Variants in SVEP1 observed in about 807,000 individuals in gnomAD.
SVEP1 encodes sushi, von Willebrand factor type A, EGF and pentraxin domain containing 1.
In SVEP1, 164 loss-of-function variants were observed where a neutral mutation model predicts 367.3. That is an observed-to-expected ratio of 0.45 (90% CI 0.39 to 0.51). The LOEUF is 0.51. SVEP1 is among the 20% of genes least tolerant of loss of function. The pLI, the probability that SVEP1 is intolerant of heterozygous loss-of-function variation, is 0.00. For missense variants in SVEP1, 4,117 were observed against 4,425.3 expected, an observed-to-expected ratio of 0.93 and a Z score of 1.98; for synonymous variants, 1,666 against 1,611.6, an observed-to-expected ratio of 1.03 and a Z score of -0.81.
rs58013124 is a variant in SVEP1 at position 110,366,318 on chromosome 9, A to G, written c.*221T>C. The G allele has an allele frequency of 7.3e-3, 2,954 of 402,852 alleles. 93 individuals are homozygous for G. The highest frequency in any genetic ancestry group is 0.054 in the African/African-American group (2,655 of 48,790). 25.0% of individuals were successfully genotyped at this position (402,852 alleles called of 1,614,324 possible). A position where few individuals can be genotyped will look rare whatever the true frequency, so the allele number is the denominator to read the frequency against. On this transcript the variant is annotated 3_prime_UTR_variant, in exon 48 of 48. Coordinates refer to ENST00000374469, the MANE Select transcript of SVEP1 (RefSeq NM_153366.4). ...AGCATCTATTTAATATAATTTTTAT[A>G]TAGAAAATACAGGCATATTTAAAAA... is the stretch of plus-strand genomic sequence containing the variant.
intron 35 of SVEP1, among the ~76,000 whole-genome samples, chr9:110,428,559 T>C (rs928564744): frequency 1.3e-5 from 2 of 152,160 alleles, no homozygotes; most frequent in African/African-American, 4.8e-5. Context: ...ATTTATCGGG[T>C]ATTCTGTTTA....
At chr9:110,499,440 T>A (rs564769844) in intron 6 of SVEP1, among the ~76,000 whole-genome samples, 4 of 152,348 alleles carry the variant, frequency 2.6e-5, no homozygotes, top group Non-Finnish European at 5.9e-5. Context: ...TTGCTATTTT[T>A]GCCAGTGCAT....
chr9:110,483,457 C>T (rs997275473), intron 10 of SVEP1, 129 bp downstream of exon 10: 82 of 493,520 alleles, frequency 1.7e-4, no homozygotes, highest in Middle Eastern at 4.1e-4. Flanking sequence ...AACATGTTAA[C>T]TTATATAATT....
chr9:110,367,119 C>G (rs894953854), intron 47 of SVEP1, among the ~76,000 whole-genome samples: 1 of 152,220 alleles, frequency 6.6e-6, no homozygotes, highest in Admixed American at 6.5e-5. Context: ...TGTTAACAAA[C>G]CTTTATTGAG....
chr9:110,549,683 C>A (rs1460078136), intron 2 of SVEP1, among the ~76,000 whole-genome samples, 166 bp downstream of exon 2: 4 of 152,124 alleles, frequency 2.6e-5, no homozygotes, highest in Non-Finnish European at 4.4e-5. Flanking sequence ...AGAATGTCAT[C>A]TCTGTGAAGT....
intron 5 of SVEP1, among the ~76,000 whole-genome samples, chr9:110,510,869 T>C (rs1484460216): frequency 4.6e-5 from 7 of 152,268 alleles, no homozygotes; most frequent in Non-Finnish European, 7.3e-5. Flanking sequence ...GATTCATTTT[T>C]TCAGTAATGG....
intron 44 of SVEP1, among the ~76,000 whole-genome samples, chr9:110,377,907 C>T (rs534294916): frequency 1.5e-5 from 2 of 135,904 alleles, no homozygotes; most frequent in African/African-American, 2.8e-5. Flanking sequence ...CCACCATCTA[C>T]TCTCTGCTTC....
intron 3 of SVEP1, among the ~76,000 whole-genome samples, chr9:110,522,250 G>A (rs1363332536): frequency 2.0e-5 from 3 of 152,138 alleles, no homozygotes; most frequent in Non-Finnish European, 2.9e-5. Context: ...CCCAACAGAA[G>A]TTGATTTGTG....
chr9:110,500,328 T>C (rs569340821), intron 6 of SVEP1, among the ~76,000 whole-genome samples: 3 of 152,360 alleles, frequency 2.0e-5, no homozygotes, highest in Admixed American at 2.0e-4. Context: ...TCAGTATCCT[T>C]TATTTACAGC....
At chr9:110,529,415 G>A (rs943492335) in intron 3 of SVEP1, among the ~76,000 whole-genome samples, 14 of 152,014 alleles carry the variant, frequency 9.2e-5, no homozygotes, top group African/African-American at 3.4e-4. Context: ...TTGTTATTTT[G>A]ATAGGAATTG....
chr9:110,474,127 A>C (rs1829063658), intron 14 of SVEP1, among the ~76,000 whole-genome samples: 1 of 151,980 alleles, frequency 6.6e-6, no homozygotes, highest in Non-Finnish European at 1.5e-5. Flanking sequence ...CAGCCTCCCG[A>C]GTAGCTGGGA....
At chr9:110,438,532 G>A (rs1828466292) in intron 27 of SVEP1, among the ~76,000 whole-genome samples, 1 of 152,106 alleles carries the variant, frequency 6.6e-6, no homozygotes, top group Non-Finnish European at 1.5e-5. Context: ...CACATGAATG[G>A]ACAACAAAGC....
chr9:110,531,619 A>G (rs1053041809), intron 3 of SVEP1, among the ~76,000 whole-genome samples: 3 of 152,174 alleles, frequency 2.0e-5, no homozygotes, highest in Non-Finnish European at 4.4e-5. Flanking sequence ...TGAGTCAATT[A>G]AACCTCTTTC....
chr9:110,552,944 G>T (rs1338225731), intron 1 of SVEP1, among the ~76,000 whole-genome samples: 2 of 152,136 alleles, frequency 1.3e-5, no homozygotes, highest in East Asian at 1.9e-4. Flanking sequence ...AATAATAAAG[G>T]TATGGCAGTA....
At position 110,375,468 on chromosome 9, in the gene SVEP1, A is replaced by AAAAAC; in HGVS notation, c.10505-6_10505-5insGTTTT. On this transcript the variant is annotated splice_region_variant and splice_polypyrimidine_tract_variant and intron_variant, in intron 45 of 47. Coordinates refer to ENST00000374469, the MANE Select transcript of SVEP1 (RefSeq NM_153366.4). ...GACAGGGAAGAATGCAGATTGCTAA[A>AAAAAC]AAAAAAAAAAAAAAAAAAAAAAGGA... The AAAAAC allele has an allele frequency of 1.1e-6, 1 of 882,920 alleles. No homozygotes were observed. 54.7% of individuals were successfully genotyped at this position (882,920 alleles called of 1,614,324 possible).
chr9:110,377,482 AG>A, intron 44 of SVEP1, 116 bp from the exon 45 acceptor site: 1 of 898,380 alleles, frequency 1.1e-6, no homozygotes, highest in Non-Finnish European at 1.7e-6. Context: ...TTTCAGGAAG[AG>A]AGACAAAAAT....
At chr9:110,392,218 T>TATATCTCTCTAAAC (rs1827669459) in intron 40 of SVEP1, among the ~76,000 whole-genome samples, 1 of 150,932 alleles carries the variant, frequency 6.6e-6, no homozygotes, top group Non-Finnish European at 1.5e-5. Context: ...CAATGTCTCT[T>TATATCTCTCTAAAC]ATATCTCTCT....
At chr9:110,438,153 T>C (rs1363821687) in intron 27 of SVEP1, among the ~76,000 whole-genome samples, 2 of 151,416 alleles carry the variant, frequency 1.3e-5, no homozygotes, top group African/African-American at 4.9e-5. Flanking sequence ...GCGTTCTCAT[T>C]TCATGAGTTT....
intron 3 of SVEP1, among the ~76,000 whole-genome samples, chr9:110,531,349 C>T (rs1416473317): frequency 6.6e-6 from 1 of 152,138 alleles, no homozygotes; most frequent in Non-Finnish European, 1.5e-5. Context: ...CCACCCAAAT[C>T]TCATCTTGAA....
Sources: allele counts gnomAD v4.1 joint callset (sites outside exome capture counted in the v4.1 genomes callset), GRCh38; gene constraint gnomAD v4.1.1; transcripts MANE v1.5; gene names NCBI Gene and HGNC (gene_info 2026-07-23, HGNC 2026-07-21).